PCDHGB5: variants seen among roughly 807,000 people sequenced by gnomAD.
PCDHGB5 encodes protocadherin gamma-B5.
Under a neutral mutation model 62.9 loss-of-function variants are expected in PCDHGB5, and 48 were observed. The ratio of observed to expected loss-of-function variants is 0.76; its 90% CI spans 0.61 to 0.97. The LOEUF is 0.97. Ranked by LOEUF, PCDHGB5 falls within the 50% of genes least tolerant of loss-of-function variation. PCDHGB5 has a pLI of 0.00. For missense variants in PCDHGB5, 1,118 were observed against 1,198.6 expected, an observed-to-expected ratio of 0.93 and a Z score of 0.99; for synonymous variants, 474 against 511.2, an observed-to-expected ratio of 0.93 and a Z score of 0.98.
rs922405350 is a variant in PCDHGB5, at chr5:141,512,227, T to C, written c.*1054T>C. 5 of 152,764 alleles carry C rather than the reference T, an allele frequency of 3.3e-5. No homozygotes were observed. The highest frequency in any genetic ancestry group is 1.2e-4 in the African/African-American group (5 of 41,552). 9.5% of individuals were successfully genotyped at this position (152,764 alleles called of 1,614,324 possible). On this transcript the variant is annotated 3_prime_UTR_variant, in exon 4 of 4. Transcript: ENST00000617380. ...AAGCAGGTTTAGGACCAGGTCCCCTTGAGAGGTCAGAGGGGCCTCTGTGGG... is the reference window on the plus strand; with the variant it reads ...AAGCAGGTTTAGGACCAGGTCCCCTCGAGAGGTCAGAGGGGCCTCTGTGGG...
chr5:141,420,540 A>G, intron 1 of PCDHGB5: 1 of 306,814 alleles, frequency 3.3e-6, no homozygotes, highest in Non-Finnish European at 5.7e-6. Context: ...AAAAATATAA[A>G]ATACAGGTAT....
At chr5:141,402,456 C>T (rs1052745008) in intron 1 of PCDHGB5, among the ~76,000 whole-genome samples, 1 of 152,050 alleles carries the variant, frequency 6.6e-6, no homozygotes, top group African/African-American at 2.4e-5. Flanking sequence ...TAATAGTTTA[C>T]ATATCTAGAA....
intron 1 of PCDHGB5, among the ~76,000 whole-genome samples, chr5:141,492,869 A>G (rs975868829): frequency 6.6e-6 from 1 of 152,010 alleles, no homozygotes; most frequent in African/African-American, 2.4e-5. Context: ...CTGGCTCTCA[A>G]CCCCCAGAGA....
At chr5:141,414,781 G>A (rs755811755) in intron 1 of PCDHGB5, 1 of 1,614,230 alleles carries the variant, frequency 6.2e-7, no homozygotes, top group Admixed American at 1.7e-5. Context: ...ACAGATGCAG[G>A]TGACAGCCAG....
chr5:141,421,425 C>T, intron 1 of PCDHGB5: 1 of 1,614,100 alleles, frequency 6.2e-7, no homozygotes, highest in Non-Finnish European at 8.5e-7. Context: ...GCGGAGTCCG[C>T]ATCGTCTCCA....
intron 1 of PCDHGB5, chr5:141,410,413 TG>T: frequency 6.2e-7 from 1 of 1,614,056 alleles, no homozygotes; most frequent in Non-Finnish European, 8.5e-7. Flanking sequence ...AGTCTGGACC[TG>T]TAGTTCCCCC....
chr5:141,422,156 T>C, intron 1 of PCDHGB5: 2 of 1,573,504 alleles, frequency 1.3e-6, no homozygotes, highest in Non-Finnish European at 8.6e-7. Flanking sequence ...TCTCTGGATT[T>C]TGAAAAATAT....
intron 2 of PCDHGB5, among the ~76,000 whole-genome samples, chr5:141,501,984 G>A (rs989251578): frequency 2.0e-5 from 3 of 152,042 alleles, no homozygotes; most frequent in African/African-American, 4.8e-5. Context: ...ATCTGGTCCC[G>A]TTGTCTCCCT....
At chr5:141,429,361 A>G (rs2097205912) in intron 1 of PCDHGB5, among the ~76,000 whole-genome samples, 1 of 150,698 alleles carries the variant, frequency 6.6e-6, no homozygotes, top group East Asian at 1.9e-4. Context: ...AATGCATGAG[A>G]AAATGGAGAA....
At chr5:141,444,621 G>A (rs1265458898) in intron 1 of PCDHGB5, among the ~76,000 whole-genome samples, 1 of 152,132 alleles carries the variant, frequency 6.6e-6, no homozygotes, top group Non-Finnish European at 1.5e-5. Flanking sequence ...CATGTGGCAT[G>A]ATGCACCAGT....
Position 141,490,845 on chromosome 5 carries a change from G to T in PCDHGB5, c.2398-3962G>T, listed in dbSNP as rs748605746. The T allele has an allele frequency of 1.4e-5, 22 of 1,613,726 alleles. No individual in the cohort carries two copies. The highest frequency in any genetic ancestry group is 1.7e-5 in the Non-Finnish European group (20 of 1,179,894). On this transcript the variant is annotated intron_variant, in intron 1 of 3. Coordinates refer to ENST00000617380, the MANE Select transcript of PCDHGB5 (RefSeq NM_018925.3). This position sits in a 1 kb window ranked among gnomAD's most constrained non-coding sequence, Gnocchi z 5.4. ...TGCAGATGCTGCAGATTGTGGTGGG[G>T]GTTCGAGACTCCGGCTCTCCCCCAT...
At chr5:141,471,926 G>T (rs2099266798) in intron 1 of PCDHGB5, among the ~76,000 whole-genome samples, 1 of 152,110 alleles carries the variant, frequency 6.6e-6, no homozygotes, top group African/African-American at 2.4e-5. Flanking sequence ...AATTTTGGGG[G>T]TGATGAGAGT....
At chr5:141,505,296 G>A (rs1174492966) in intron 2 of PCDHGB5, 97 bp from the exon 3 acceptor site, 1 of 1,584,850 alleles carries the variant, frequency 6.3e-7, no homozygotes, top group Non-Finnish European at 8.6e-7. Context: ...ATGGGGTAGG[G>A]TTAGGGTACT....
chr5:141,428,846 A>G (rs936271540), intron 1 of PCDHGB5: 1 of 143,414 alleles, frequency 7.0e-6, no homozygotes, highest in Non-Finnish European at 1.5e-5. Flanking sequence ...CATTTTCACC[A>G]TTTTTACGGG....
intron 2 of PCDHGB5, among the ~76,000 whole-genome samples, chr5:141,495,685 T>TA (rs758775501): frequency 1.3e-5 from 2 of 152,210 alleles, no homozygotes; most frequent in African/African-American, 2.4e-5. Context: ...TGCCATGGCA[T>TA]AAGTGCTCAA....
At position 141,486,135 on chromosome 5, in the gene PCDHGB5, G is replaced by A. The variant is rs145871538; in HGVS notation, c.2398-8672G>A. ...GAGAATTACTATGAATTTGATGTGC[G>A]GGCTCGCGATGGGGGTTCTCCAGCC... On this transcript the variant is annotated intron_variant, in intron 1 of 3. Transcript: ENST00000617380. This position sits in a 1 kb window ranked among gnomAD's most constrained non-coding sequence, Gnocchi z 5.0. The A allele has an allele frequency of 1.9e-6, 3 of 1,614,168 alleles. No homozygotes were observed. Among genetic ancestry groups the A allele is most frequent in the Non-Finnish European group, 2.5e-6 (3 of 1,180,022 alleles).
At chr5:141,414,198 A>G (rs1561747621) in intron 1 of PCDHGB5, 2 of 1,611,542 alleles carry the variant, frequency 1.2e-6, no homozygotes, top group Non-Finnish European at 1.7e-6. Flanking sequence ...TGATTACAGT[A>G]GAAGATGTAA....
At chr5:141,449,631 G>C in intron 1 of PCDHGB5, among the ~76,000 whole-genome samples, 1 of 148,476 alleles carries the variant, frequency 6.7e-6, no homozygotes, top group Middle Eastern at 3.6e-3. Flanking sequence ...TTAAAAAGAT[G>C]TATCTATATA....
At chr5:141,421,320 G>C (rs1561793188) in intron 1 of PCDHGB5, 1 of 1,613,904 alleles carries the variant, frequency 6.2e-7, no homozygotes, top group East Asian at 2.2e-5. Flanking sequence ...GGGCCAGGCA[G>C]ATCCGATATT....
Sources: allele counts gnomAD v4.1 joint callset (sites outside exome capture counted in the v4.1 genomes callset), GRCh38; gene constraint gnomAD v4.1.1; non-coding constraint Gnocchi (gnomAD v3.1); transcripts MANE v1.5; gene names NCBI Gene and HGNC (gene_info 2026-07-23, HGNC 2026-07-21).